ARHGAP10: variants seen among roughly 807,000 people sequenced by gnomAD.
ARHGAP10 encodes rho GTPase-activating protein 10.
ARHGAP10 carries 87 observed loss-of-function variants against 108.6 expected under a neutral mutation model. The observed-to-expected ratio is 0.80, with a 90% CI of 0.67 to 0.96. The LOEUF (loss-of-function observed/expected upper bound fraction) is 0.96, where lower values mean the gene tolerates loss of function less well. Ranked by LOEUF, ARHGAP10 falls within the 40% of genes least tolerant of loss-of-function variation. The pLI, the probability that ARHGAP10 is intolerant of heterozygous loss-of-function variation, is 0.00. For missense variants in ARHGAP10, 939 were observed against 954.5 expected, an observed-to-expected ratio of 0.98 and a Z score of 0.21; for synonymous variants, 347 against 341.1, an observed-to-expected ratio of 1.02 and a Z score of -0.19.
intron 14 of ARHGAP10, among the ~76,000 whole-genome samples, chr4:147,943,649 T>G (rs1481902997): frequency 6.6e-6 from 1 of 152,238 alleles, no homozygotes. Context: ...TTTAGATTTT[T>G]AACAAACCCA....
intron 1 of ARHGAP10, among the ~76,000 whole-genome samples, chr4:147,759,045 A>G (rs1011540781): frequency 2.0e-5 from 3 of 152,096 alleles, no homozygotes; most frequent in East Asian, 1.9e-4. Flanking sequence ...ATTTTCTTCA[A>G]TGCAAGGTTC....
At chr4:147,857,072 G>T (rs927453379) in intron 4 of ARHGAP10, among the ~76,000 whole-genome samples, 1 of 152,068 alleles carries the variant, frequency 6.6e-6, no homozygotes, top group Non-Finnish European at 1.5e-5. Flanking sequence ...GGCTGGTCTC[G>T]AACTCCTGAC....
At chr4:147,790,290 C>G (rs1368830155) in intron 1 of ARHGAP10, among the ~76,000 whole-genome samples, 1 of 152,072 alleles carries the variant, frequency 6.6e-6, no homozygotes. Context: ...CCTTTGTGAC[C>G]TCATCTAAAC....
At chr4:147,987,742 G>A (rs962236256) in intron 18 of ARHGAP10, among the ~76,000 whole-genome samples, 2 of 152,328 alleles carry the variant, frequency 1.3e-5, no homozygotes, top group Middle Eastern at 6.8e-3. Flanking sequence ...TCTGTGCTGG[G>A]TCAGGTGTAG....
chr4:147,939,553 G>A (rs1174406416), intron 13 of ARHGAP10, among the ~76,000 whole-genome samples: 1 of 152,180 alleles, frequency 6.6e-6, no homozygotes, highest in East Asian at 1.9e-4. Flanking sequence ...TCATTTCAAT[G>A]TATCCATGAT....
At chr4:147,992,498 C>T (rs1159106076) in intron 18 of ARHGAP10, among the ~76,000 whole-genome samples, 1 of 152,178 alleles carries the variant, frequency 6.6e-6, no homozygotes, top group African/African-American at 2.4e-5. Flanking sequence ...ACCTCCGCCT[C>T]CCGGGTTCAA....
chr4:147,791,174 C>T (rs1031811824), intron 1 of ARHGAP10, among the ~76,000 whole-genome samples: 3 of 148,622 alleles, frequency 2.0e-5, no homozygotes, highest in Non-Finnish European at 3.0e-5. Flanking sequence ...TGCAGTGGTG[C>T]GATCTCAGCT....
rs1226425069 is a variant in ARHGAP10 at position 148,017,279 on chromosome 4, A to G, written c.1717-5984A>G. ...CCGAAATGGAGGTCTTACGACCTAA[A>G]GTCAGACAAGGAAGGTCAGAGAATT... On this transcript the variant is annotated intron_variant, in intron 18 of 22. Coordinates refer to ENST00000336498, the MANE Select transcript of ARHGAP10 (RefSeq NM_024605.4). Among the ~76,000 whole-genome samples, 3 of 152,210 alleles carry G rather than the reference A, an allele frequency of 2.0e-5. No homozygotes were observed. In the East Asian group the frequency reaches 5.8e-4, roughly 29 times the overall value.
intron 1 of ARHGAP10, among the ~76,000 whole-genome samples, chr4:147,795,607 C>G (rs879526181): frequency 6.6e-6 from 1 of 151,820 alleles, no homozygotes; most frequent in Non-Finnish European, 1.5e-5. Flanking sequence ...GTGCTTGGTA[C>G]GTAGTAGGTG....
At chr4:147,777,531 A>G (rs1000011991) in intron 1 of ARHGAP10, among the ~76,000 whole-genome samples, 1 of 152,060 alleles carries the variant, frequency 6.6e-6, no homozygotes, top group Admixed American at 6.6e-5. Flanking sequence ...CTGGGATTAC[A>G]GGCGTGAGCC....
intron 8 of ARHGAP10, among the ~76,000 whole-genome samples, chr4:147,877,484 T>C (rs1397434664): frequency 6.6e-6 from 1 of 152,240 alleles, no homozygotes; most frequent in Non-Finnish European, 1.5e-5. Flanking sequence ...TTTCCCCTCC[T>C]GGGCTTTTTT....
chr4:148,047,036 A>G lies in ARHGAP10; in HGVS notation c.2012A>G (p.Asp671Gly), dbSNP rs558149671. The stretch of plus-strand genomic sequence containing the variant: ...CTGGCAGATGGAGGGAGCTTTGGAG[A>G]CTGGGCATCCACTATGTAAGTAACC... ...HLLADGGSFG[D>G]WASTIPGQTR... Residue 671 changes from aspartate (D) to glycine (G), a missense_variant, in exon 20 of 23, where the codon GAC becomes GGC. Physicochemically the swap from Asp to Gly is moderately conservative, Grantham distance 94 (BLOSUM62 -1). Transcript: ENST00000336498. 3.1e-6 allele frequency: 5 copies of G among 1,613,986 alleles called. No individual in the cohort carries two copies. Among genetic ancestry groups the G allele is most frequent in the Non-Finnish European group, 3.4e-6 (4 of 1,180,026 alleles).
intron 18 of ARHGAP10, among the ~76,000 whole-genome samples, chr4:148,008,235 C>T (rs920557780): frequency 6.6e-6 from 1 of 152,098 alleles, no homozygotes; most frequent in South Asian, 2.1e-4. Context: ...TTGTTTCCAA[C>T]CTGCTGAAAG....
chr4:147,879,119 T>G, intron 8 of ARHGAP10, 113 bp from the exon 9 acceptor site: 1 of 748,188 alleles, frequency 1.3e-6, no homozygotes, highest in Non-Finnish European at 2.1e-6. Context: ...TTTCATTGAT[T>G]CAGCTGTATT....
intron 18 of ARHGAP10, among the ~76,000 whole-genome samples, chr4:147,996,934 G>A (rs190494478): frequency 6.6e-6 from 1 of 152,318 alleles, no homozygotes; most frequent in East Asian, 1.9e-4. Context: ...CCAGCACCAT[G>A]GTCTTGGACT....
chr4:147,893,944 T>C (rs1735891100), intron 10 of ARHGAP10, among the ~76,000 whole-genome samples: 1 of 152,168 alleles, frequency 6.6e-6, no homozygotes, highest in South Asian at 2.1e-4. Flanking sequence ...AAAGACACAT[T>C]TTATATGGGC....
At chr4:148,069,583 G>T (rs1578848830) in intron 22 of ARHGAP10, among the ~76,000 whole-genome samples, 2 of 152,178 alleles carry the variant, frequency 1.3e-5, no homozygotes, top group Non-Finnish European at 2.9e-5. Context: ...CTGTGCTTGC[G>T]CAAGTGTGTG....
chr4:147,963,183 C>T (rs1164194912), intron 16 of ARHGAP10, among the ~76,000 whole-genome samples: 4 of 152,208 alleles, frequency 2.6e-5, no homozygotes, highest in South Asian at 2.1e-4. Context: ...GAGTTGGCCT[C>T]GGGCTACCTT....
intron 18 of ARHGAP10, among the ~76,000 whole-genome samples, chr4:148,012,395 G>A (rs1004654934): frequency 5.9e-5 from 9 of 152,122 alleles, no homozygotes; most frequent in East Asian, 1.9e-4. Context: ...ATGCTTTGTC[G>A]TCATATATAA....
Sources: gnomAD v4.1 joint callset for allele counts (sites outside exome capture counted in the v4.1 genomes callset) on GRCh38, gnomAD v4.1.1 for gene constraint, MANE v1.5 for transcripts, NCBI Gene and HGNC (gene_info 2026-07-23, HGNC 2026-07-21) for gene names.